Variants in PRKAR2A observed in about 807,000 individuals in gnomAD.
PRKAR2A encodes the protein cAMP-dependent protein kinase type II-alpha regulatory subunit.
In PRKAR2A, 29 loss-of-function variants were observed where a neutral mutation model predicts 51.9. The observed-to-expected ratio is 0.56, with a 90% CI of 0.42 to 0.76. The LOEUF (loss-of-function observed/expected upper bound fraction) is 0.76. Among genes scored for constraint, PRKAR2A ranks in the 30% least tolerant of loss-of-function variants. The pLI is 0.00. For synonymous variants in PRKAR2A, 178 were observed against 186.2 expected (o/e 0.96, Z 0.36); for missense variants, 445 against 512.1 (o/e 0.87, Z 1.26).
intron 1 of PRKAR2A, among the ~76,000 whole-genome samples, chr3:48,815,564 C>T (rs1400062569): frequency 6.6e-6 from 1 of 151,184 alleles, no homozygotes; most frequent in African/African-American, 2.4e-5. Flanking sequence ...GGCGTGGTGG[C>T]GGGCGCCTGT....
intron 5 of PRKAR2A, among the ~76,000 whole-genome samples, chr3:48,777,059 C>T (rs2082116443): frequency 6.6e-6 from 1 of 152,118 alleles, no homozygotes; most frequent in African/African-American, 2.4e-5. Flanking sequence ...GTGCTCCCTC[C>T]TTCGGTGCTG....
downstream of PRKAR2A, among the ~76,000 whole-genome samples, chr3:48,745,574 G>A (rs148539408): frequency 3.4e-5 from 4 of 118,506 alleles, no homozygotes; most frequent in Admixed American, 2.3e-4. Flanking sequence ...CACTCTTGTC[G>A]CCCATGCTGG....
intron 4 of PRKAR2A, among the ~76,000 whole-genome samples, chr3:48,788,536 G>C (rs1329424752): frequency 6.6e-6 from 1 of 152,124 alleles, no homozygotes; most frequent in Non-Finnish European, 1.5e-5. Flanking sequence ...AGAAGAAACA[G>C]GAAATCTGAA....
At chr3:48,773,195 T>A in intron 5 of PRKAR2A, 87 bp from the exon 6 acceptor site, 1 of 1,107,048 alleles carries the variant, frequency 9.0e-7, no homozygotes, top group Non-Finnish European at 1.3e-6. Flanking sequence ...GAAAATGTTG[T>A]TTTAAGAGAT....
At chr3:48,814,404 G>A (rs894676802) in intron 1 of PRKAR2A, among the ~76,000 whole-genome samples, 1 of 152,186 alleles carries the variant, frequency 6.6e-6, no homozygotes, top group African/African-American at 2.4e-5. Context: ...GGCAACAAGA[G>A]TGAGACTCCA....
rs530241045 is a variant in PRKAR2A at position 48,765,052 on chromosome 3, A to G, written c.825T>C (p.Asp275=). ...LEVSERMKIV[D]VIGEKIYKDG... The stretch of plus-strand genomic sequence containing the variant: ...CCTTATAGATCTTCTCTCCTATTAC[A>G]TCCACAATCTTCATTCGTTCTGACA... The change falls in exon 8 of 11, where the codon GAT becomes GAC. Residue 275 remains aspartate, a synonymous_variant. Coordinates refer to ENST00000265563, the MANE Select transcript of PRKAR2A (RefSeq NM_004157.4). The G allele has an allele frequency of 1.3e-5, 21 of 1,614,180 alleles. No homozygotes were observed. Among genetic ancestry groups the G allele is most frequent in the Admixed American group, 3.3e-5 (2 of 60,020 alleles).
Position 48,847,810 on chromosome 3 carries a change from G to T in PRKAR2A, c.-214C>A. ...GCACCGCCGCCGCTGTCACTGGGCA[G>T]CCGCCGCCGCCGCGGGGACCGACGG... On this transcript the variant is annotated 5_prime_UTR_variant, in exon 1 of 11. The change creates a new upstream start codon in the 5' untranslated region. Coordinates refer to ENST00000265563, the MANE Select transcript of PRKAR2A (RefSeq NM_004157.4). The surrounding 1 kb of genome is among the most constrained non-coding windows in gnomAD (Gnocchi z 4.4). 2.6e-6 allele frequency: 1 copy of T among 389,104 alleles called. No homozygotes were observed. Among genetic ancestry groups the T allele is most frequent in the Non-Finnish European group, 4.3e-6 (1 of 231,508 alleles). 24.1% of individuals were successfully genotyped at this position (389,104 alleles called of 1,614,324 possible).
intron 9 of PRKAR2A, among the ~76,000 whole-genome samples, chr3:48,754,384 T>C (rs957175934): frequency 6.6e-6 from 1 of 151,902 alleles, no homozygotes; most frequent in Non-Finnish European, 1.5e-5. Flanking sequence ...ACTACAGCTA[T>C]GTGCCACCAC....
At chr3:48,840,922 C>T (rs1477926610) in intron 1 of PRKAR2A, among the ~76,000 whole-genome samples, 10 of 136,392 alleles carry the variant, frequency 7.3e-5, no homozygotes, top group South Asian at 7.3e-4. Flanking sequence ...GCTCTTGTTG[C>T]CCAGGCTGGA....
chr3:48,795,856 G>T (rs1459799755), intron 2 of PRKAR2A, among the ~76,000 whole-genome samples: 1 of 152,150 alleles, frequency 6.6e-6, no homozygotes. Flanking sequence ...AACTCTATGT[G>T]TATTACTGTA....
intron 9 of PRKAR2A, among the ~76,000 whole-genome samples, chr3:48,753,293 GTTTT>G (rs145148583): frequency 6.9e-6 from 1 of 144,924 alleles, no homozygotes; most frequent in African/African-American, 2.5e-5. Context: ...ATATCTAGAG[GTTTT>G]TTTTTTTAAC....
Position 48,792,380 on chromosome 3 carries a change from T to C in PRKAR2A, c.351+1617A>G, listed in dbSNP as rs1471281343. Among the ~76,000 whole-genome samples the C allele has an allele frequency of 3.3e-5, 5 of 150,554 alleles. No homozygotes were observed. The Admixed American group carries it at 3.3e-4, about 10-fold the overall frequency. Reference sequence around the variant, plus strand: ...TGGTCTCGAACTCCTGACCTCATGATCCGCCTGCCTCGGCCTCCCAAAGTG... The same window carrying C: ...TGGTCTCGAACTCCTGACCTCATGACCCGCCTGCCTCGGCCTCCCAAAGTG... On this transcript the variant is annotated intron_variant, in intron 3 of 10. Transcript: ENST00000265563.
Position 48,765,037 on chromosome 3 carries a change from C to G in PRKAR2A, c.840G>C (p.Lys280Asn). The G allele has an allele frequency of 1.2e-6, 2 of 1,614,194 alleles. No homozygotes were observed. Among genetic ancestry groups the G allele is most frequent in the South Asian group, 2.2e-5 (2 of 91,084 alleles). Residue 280 changes from lysine to asparagine, a missense_variant, in exon 8 of 11, where the codon AAG becomes AAC. Coordinates refer to ENST00000265563, the MANE Select transcript of PRKAR2A (RefSeq NM_004157.4). ...RMKIVDVIGE[K>N]IYKDGERIIT... ...TTATGCGTTCTCCATCCTTATAGAT[C>G]TTCTCTCCTATTACATCCACAATCT...
intron 3 of PRKAR2A, among the ~76,000 whole-genome samples, chr3:48,791,015 G>A (rs533276756): frequency 6.6e-5 from 10 of 152,250 alleles, no homozygotes; most frequent in East Asian, 1.9e-4. Context: ...TTGGCCGGGC[G>A]AGGTGGCTCA....
intron 4 of PRKAR2A, among the ~76,000 whole-genome samples, chr3:48,787,211 G>A (rs2082309023): frequency 6.6e-6 from 1 of 151,896 alleles, no homozygotes; most frequent in Non-Finnish European, 1.5e-5. Context: ...ATGAGACAGA[G>A]TTTCACTCTT....
At chr3:48,842,836 C>T (rs2107470202) in intron 1 of PRKAR2A, among the ~76,000 whole-genome samples, 1 of 152,288 alleles carries the variant, frequency 6.6e-6, no homozygotes, top group African/African-American at 2.4e-5. Context: ...TTGAGGATTT[C>T]TGCATCAATG....
intron 1 of PRKAR2A, among the ~76,000 whole-genome samples, chr3:48,832,967 C>A (rs1202358931): frequency 6.6e-6 from 1 of 152,172 alleles, no homozygotes; most frequent in Admixed American, 6.6e-5. Context: ...ACCTTGCCCA[C>A]ATATTATGAG....
Position 48,752,191 on chromosome 3 carries a change from C to T in PRKAR2A, c.1066G>A (p.Asp356Asn), listed in dbSNP as rs1402164503. The T allele has an allele frequency of 3.7e-6, 6 of 1,613,426 alleles. No homozygotes were observed. Among genetic ancestry groups the T allele is most frequent in the Non-Finnish European group, 5.1e-6 (6 of 1,179,898 alleles). Residue 356 changes from aspartate (D) to asparagine (N), a missense_variant, in exon 10 of 11, where the codon GAT (aspartate) becomes AAT (asparagine). By Grantham distance (23) the Asp-to-Asn change is conservative (BLOSUM62 1). Coordinates refer to ENST00000265563, the MANE Select transcript of PRKAR2A (RefSeq NM_004157.4). ...PRAASAYAVGDVKCLVMDVQA... is the reference protein window; with the variant it reads ...PRAASAYAVGNVKCLVMDVQA... ...CTTTTCTTACCTAAGCATTTGACAT[C>T]TCCAACTGCATAAGCTGAGGCAGCT...
chr3:48,841,855 AG>A (rs1454161579), intron 1 of PRKAR2A, among the ~76,000 whole-genome samples: 1 of 152,190 alleles, frequency 6.6e-6, no homozygotes, highest in Non-Finnish European at 1.5e-5. Context: ...TATGTAGCGC[AG>A]CCACCTGAGA....
Sources: allele counts gnomAD v4.1 joint callset (sites outside exome capture counted in the v4.1 genomes callset), GRCh38; gene constraint gnomAD v4.1.1; non-coding constraint Gnocchi (gnomAD v3.1); transcripts MANE v1.5; gene names NCBI Gene and HGNC (gene_info 2026-07-23, HGNC 2026-07-21).